MCC: variants seen among roughly 807,000 people sequenced by gnomAD.
MCC encodes the protein colorectal mutant cancer protein.
Under a neutral mutation model 116.2 loss-of-function variants are expected in MCC, and 90 were observed. The ratio of observed to expected loss-of-function variants is 0.77; its 90% CI spans 0.65 to 0.92. The LOEUF (loss-of-function observed/expected upper bound fraction) is 0.92, where lower values mean the gene tolerates loss of function less well. Ranked by LOEUF, MCC falls within the 40% of genes least tolerant of loss-of-function variation. MCC has a pLI of 0.00. For synonymous variants in MCC, 578 were observed against 510.5 expected (o/e 1.13, Z -1.78); for missense variants, 1,516 against 1,312.2 (o/e 1.16, Z -2.40).
chr5:113,274,358 CTTTTG>C (rs146162818), intron 3 of MCC, among the ~76,000 whole-genome samples: 3,112 of 152,206 alleles, frequency 0.02, 36 homozygotes, highest in Middle Eastern at 0.027. Context: ...ACTAAAGATA[CTTTTG>C]TTTTGTTTTG....
chr5:113,293,574 T>A (rs989613478), intron 3 of MCC, among the ~76,000 whole-genome samples: 5 of 152,108 alleles, frequency 3.3e-5, no homozygotes, highest in African/African-American at 4.8e-5. Flanking sequence ...GCCCGAAGCA[T>A]CCCTAAAATC....
intron 14 of MCC, among the ~76,000 whole-genome samples, chr5:113,061,401 G>A (rs916605644): frequency 6.6e-6 from 1 of 152,198 alleles, no homozygotes; most frequent in Non-Finnish European, 1.5e-5. Context: ...CTTGACCAAG[G>A]ATTCCTATTT....
intron 3 of MCC, among the ~76,000 whole-genome samples, chr5:113,240,922 G>C (rs1187282529): frequency 6.6e-6 from 1 of 152,162 alleles, no homozygotes; most frequent in Non-Finnish European, 1.5e-5. Context: ...GAGCATCACG[G>C]AGTCAGGTGA....
At chr5:113,062,043 C>T (rs759903430) in intron 14 of MCC, among the ~76,000 whole-genome samples, 33 of 152,252 alleles carry the variant, frequency 2.2e-4, no homozygotes, top group African/African-American at 5.8e-4. Context: ...ATGAATGCCT[C>T]GTGTGTGGTT....
intron 10 of MCC, among the ~76,000 whole-genome samples, chr5:113,083,888 A>T (rs1001201703): frequency 1.3e-5 from 2 of 152,224 alleles, no homozygotes; most frequent in South Asian, 2.1e-4. Flanking sequence ...AAGGAAAAAA[A>T]ATCTCCCTTA....
intron 1 of MCC, among the ~76,000 whole-genome samples, chr5:113,469,369 T>G (rs1772012854): frequency 6.6e-6 from 1 of 152,214 alleles, no homozygotes; most frequent in Admixed American, 6.5e-5. Flanking sequence ...TCCCAGAGAT[T>G]CTGGTATGTT....
intron 3 of MCC, among the ~76,000 whole-genome samples, chr5:113,201,812 G>A (rs1166435445): frequency 6.6e-6 from 1 of 152,146 alleles, no homozygotes; most frequent in East Asian, 1.9e-4. Flanking sequence ...TAGAGGGCTA[G>A]ATTAAAATCA....
chr5:113,438,911 G>A (rs570153435), intron 1 of MCC, among the ~76,000 whole-genome samples: 8 of 152,124 alleles, frequency 5.3e-5, no homozygotes, highest in Non-Finnish European at 8.8e-5. Context: ...GCTTATGGGA[G>A]AGAAAAAAAA....
At chr5:113,193,093 G>A (rs1228830314) in intron 3 of MCC, among the ~76,000 whole-genome samples, 1 of 152,092 alleles carries the variant, frequency 6.6e-6, no homozygotes, top group African/African-American at 2.4e-5. Context: ...CTTGGCTCGT[G>A]GCCCCTTCAT....
At chr5:113,294,727 C>G in intron 3 of MCC, 4 of 1,002,060 alleles carry the variant, frequency 4.0e-6, no homozygotes, top group Non-Finnish European at 4.8e-6. Context: ...GCCACTCCTA[C>G]GGTGCCTCGC....
At chr5:113,167,945 A>C (rs1439512166) in intron 3 of MCC, among the ~76,000 whole-genome samples, 1 of 152,188 alleles carries the variant, frequency 6.6e-6, no homozygotes, top group Non-Finnish European at 1.5e-5. Flanking sequence ...CATCCTTAAA[A>C]GAAACCAAAA....
intron 2 of MCC, among the ~76,000 whole-genome samples, chr5:113,379,723 C>T (rs571044650): frequency 2.0e-5 from 3 of 151,998 alleles, no homozygotes; most frequent in South Asian, 2.1e-4. Flanking sequence ...TGGCTTAAAC[C>T]GATATAAAAA....
chr5:113,061,090 T>A (rs906555943), intron 14 of MCC, among the ~76,000 whole-genome samples: 5 of 152,210 alleles, frequency 3.3e-5, no homozygotes, highest in Non-Finnish European at 7.3e-5. Flanking sequence ...GAGCTAGGCA[T>A]CTCTTGAGCT....
intron 3 of MCC, among the ~76,000 whole-genome samples, chr5:113,166,545 A>C (rs1020344306): frequency 6.6e-6 from 1 of 152,086 alleles, no homozygotes; most frequent in Non-Finnish European, 1.5e-5. Flanking sequence ...AAATGCAAAC[A>C]TCACTCTGAG....
At chr5:113,031,245 C>T (rs966676186) in intron 17 of MCC, among the ~76,000 whole-genome samples, 1 of 152,162 alleles carries the variant, frequency 6.6e-6, no homozygotes, top group Non-Finnish European at 1.5e-5. Flanking sequence ...AGTAAATCCT[C>T]CTACCCGCCT....
chr5:113,252,730 A>G (rs1764848704), intron 3 of MCC, among the ~76,000 whole-genome samples: 1 of 152,108 alleles, frequency 6.6e-6, no homozygotes, highest in South Asian at 2.1e-4. Context: ...CCTGGTGCCA[A>G]AAGATTAGGG....
chr5:113,445,333 C>G (rs1182754360), intron 1 of MCC, among the ~76,000 whole-genome samples: 1 of 152,066 alleles, frequency 6.6e-6, no homozygotes, highest in African/African-American at 2.4e-5. Flanking sequence ...TAATTCTATA[C>G]ATAAAGAATC....
chr5:113,264,972 C>T (rs1013848832), intron 3 of MCC, among the ~76,000 whole-genome samples: 4 of 151,834 alleles, frequency 2.6e-5, no homozygotes, highest in Non-Finnish European at 5.9e-5. Flanking sequence ...ACTTGGGAGG[C>T]GGAAGTTGCA....
intron 1 of MCC, among the ~76,000 whole-genome samples, chr5:113,390,477 T>C (rs1306637071): frequency 6.6e-6 from 1 of 152,216 alleles, no homozygotes; most frequent in African/African-American, 2.4e-5. Flanking sequence ...ATTTCAAGAT[T>C]GATGCTTCTC....
Sources: allele counts gnomAD v4.1 joint callset (sites outside exome capture counted in the v4.1 genomes callset), GRCh38; gene constraint gnomAD v4.1.1; transcripts MANE v1.5; gene names NCBI Gene and HGNC (gene_info 2026-07-23, HGNC 2026-07-21).